MGAM2: variants seen among roughly 807,000 people sequenced by gnomAD.
MGAM2 encodes the protein probable maltase-glucoamylase 2.
A neutral mutation model predicts 96.1 loss-of-function variants in MGAM2; 98 were observed. The ratio of observed to expected loss-of-function variants is 1.02; its 90% confidence interval spans 0.87 to 1.21. MGAM2 has a LOEUF of 1.21. Among genes scored for constraint, MGAM2 ranks in the 50% most tolerant of loss-of-function variants. The pLI, the probability that MGAM2 is intolerant of heterozygous loss-of-function variation, is 0.00. For synonymous variants in MGAM2, 749 were observed against 414.8 expected (o/e 1.81, Z -9.79); for missense variants, 2,055 against 1,182.4 (o/e 1.74, Z -10.82).
At chr7:142,186,175 C>A in intron 35 of MGAM2, 52 bp downstream of exon 35, 1 of 685,492 alleles carries the variant, frequency 1.5e-6, no homozygotes, top group South Asian at 1.5e-5. Flanking sequence ...GTTAGCAAGT[C>A]AAAACATGGG....
At chr7:142,114,307 A>G (rs1328004194) in intron 1 of MGAM2, among the ~76,000 whole-genome samples, 1 of 152,064 alleles carries the variant, frequency 6.6e-6, no homozygotes, top group Non-Finnish European at 1.5e-5. Flanking sequence ...CAAGGAATCC[A>G]TATGTGGAAA....
At chr7:142,185,943 G>A (rs1796680959) in intron 34 of MGAM2, 46 bp from the exon 35 acceptor site, 3 of 698,888 alleles carry the variant, frequency 4.3e-6, no homozygotes, top group East Asian at 2.7e-5. Context: ...GTGGTCTCCT[G>A]TATAGGCTGA....
intron 1 of MGAM2, among the ~76,000 whole-genome samples, chr7:142,116,166 G>C (rs958882716): frequency 2.0e-5 from 3 of 152,202 alleles, no homozygotes; most frequent in African/African-American, 7.2e-5. Context: ...TAGCCCATCT[G>C]TTAGTAAGAA....
At chr7:142,162,960 A>G (rs1265624604) in intron 23 of MGAM2, among the ~76,000 whole-genome samples, 2 of 152,156 alleles carry the variant, frequency 1.3e-5, no homozygotes, top group African/African-American at 4.8e-5. Flanking sequence ...ATCCCTCCTC[A>G]GCCCCTGGCA....
At chr7:142,152,366 G>A (rs942589282) in intron 15 of MGAM2, among the ~76,000 whole-genome samples, 1 of 152,104 alleles carries the variant, frequency 6.6e-6, no homozygotes, top group African/African-American at 2.4e-5. Flanking sequence ...GCAAAGTGTC[G>A]GCCAGTCTAC....
rs1292026821 is a variant in MGAM2, at chr7:142,148,413, T to TC, written c.1634+844dup. On this transcript the variant is annotated intron_variant, in intron 15 of 47. Coordinates refer to ENST00000477922, the MANE Select transcript of MGAM2 (RefSeq NM_001293626.2). The surrounding 1 kb of genome is among the most constrained non-coding windows in gnomAD (Gnocchi z 4.2). ...ACCACCACCATCACCATCATCACTA[T>TC]CCCCATCACCACCATGACTATCACC... Among the ~76,000 whole-genome samples, 2 of 151,788 alleles carry TC rather than the reference T, an allele frequency of 1.3e-5. No homozygotes were observed. Among genetic ancestry groups the TC allele is most frequent in the Non-Finnish European group, 2.9e-5 (2 of 67,920 alleles).
rs528965076 is a variant in MGAM2, at chr7:142,147,591, A to G, written c.1634+18A>G. 1 of 698,170 alleles carries G rather than the reference A, an allele frequency of 1.4e-6. No individual in the cohort carries two copies. The highest frequency in any genetic ancestry group is 1.7e-5 in the African/African-American group (1 of 57,160). 43.2% of individuals were successfully genotyped at this position (698,170 alleles called of 1,614,324 possible). ...ACAAACTTGTAAGGACTTGGTTTTC[A>G]CCCTAATTCCAGATATGTGGAGGTG... On this transcript the variant is annotated intron_variant, in intron 15 of 47. Transcript: ENST00000477922.
Position 142,219,805 on chromosome 7 carries a change from G to A in MGAM2, c.5359-65G>A, listed in dbSNP as rs1032332497. 3.7e-5 allele frequency: 23 copies of A among 616,532 alleles called. No homozygotes were observed. In the Middle Eastern group the frequency reaches 1.2e-3, roughly 31 times the overall value. 38.2% of individuals were successfully genotyped at this position (616,532 alleles called of 1,614,324 possible). ...TTTTTTGTTAAATTGTAATTTAAGAGGTGAGCTACATGTGAGGTTTAAGAA... is the reference window on the plus strand; with the variant it reads ...TTTTTTGTTAAATTGTAATTTAAGAAGTGAGCTACATGTGAGGTTTAAGAA... On this transcript the variant is annotated intron_variant, in intron 47 of 47. Transcript: ENST00000477922.
intron 1 of MGAM2, among the ~76,000 whole-genome samples, chr7:142,115,497 A>G (rs1485943029): frequency 6.6e-6 from 1 of 152,236 alleles, no homozygotes; most frequent in African/African-American, 2.4e-5. Context: ...CTAAGAGATT[A>G]AAAGGAAATG....
chr7:142,188,451 C>A (rs879721732), intron 36 of MGAM2, among the ~76,000 whole-genome samples: 14 of 151,748 alleles, frequency 9.2e-5, no homozygotes, highest in Admixed American at 2.0e-4. Context: ...TAAAAAAAAA[C>A]AAACAAACAC....
In MGAM2 at chr7:142,183,318, A is replaced by C; in HGVS notation, c.3869A>C (p.Gln1290Pro). The change falls in exon 33 of 48, where the codon CAG becomes CCG. Residue 1290 changes from glutamine to proline, a missense_variant. Coordinates refer to ENST00000477922, the MANE Select transcript of MGAM2 (RefSeq NM_001293626.2). ...ETQYLPFIRG[Q>P]ENNVFIKWPD... ...CAGTATCTCCCATTCATTAGAGGAC[A>C]GGAAAATAACGTGTTCATCAAATGG... 1.4e-6 allele frequency: 1 copy of C among 703,476 alleles called. No individual in the cohort carries two copies. The highest frequency in any genetic ancestry group is 2.6e-6 in the Non-Finnish European group (1 of 385,010). The allele number at this position is 703,476 out of a possible 1,614,324, so 43.6% of individuals were successfully genotyped here. A position where few individuals can be genotyped will look rare whatever the true frequency, so the allele number is the denominator to read the frequency against.
intron 32 of MGAM2, among the ~76,000 whole-genome samples, chr7:142,180,288 T>C (rs1796498805): frequency 6.6e-6 from 1 of 152,184 alleles, no homozygotes; most frequent in South Asian, 2.1e-4. Flanking sequence ...GTTTATCCTT[T>C]CAAAAAAACA....
chr7:142,208,215 C>T, intron 45 of MGAM2: 1 of 473,248 alleles, frequency 2.1e-6, no homozygotes, highest in Non-Finnish European at 4.2e-6. Context: ...GCTTTATCAT[C>T]ATAGTCTTTA....
intron 3 of MGAM2, among the ~76,000 whole-genome samples, chr7:142,129,750 A>G (rs1794829240): frequency 7.0e-6 from 1 of 141,936 alleles, no homozygotes. Flanking sequence ...ACTTGAACCC[A>G]GGAGGCAGAG....
chr7:142,181,982 C>T (rs1416368554), intron 32 of MGAM2, among the ~76,000 whole-genome samples: 1 of 152,124 alleles, frequency 6.6e-6, no homozygotes, highest in East Asian at 1.9e-4. Flanking sequence ...GTTGGATGTT[C>T]TGAGCTATGG....
At chr7:142,204,095 T>C (rs1184264760) in intron 45 of MGAM2, among the ~76,000 whole-genome samples, 1 of 152,074 alleles carries the variant, frequency 6.6e-6, no homozygotes, top group Non-Finnish European at 1.5e-5. Flanking sequence ...TCTCATCTAC[T>C]TACCTACTTA....
At chr7:142,164,144 T>C (rs1019020247) in intron 23 of MGAM2, among the ~76,000 whole-genome samples, 2 of 152,194 alleles carry the variant, frequency 1.3e-5, no homozygotes, top group Non-Finnish European at 2.9e-5. Context: ...TTGAAAAAAA[T>C]CTGTCTTTGT....
Position 142,119,668 on chromosome 7 carries a change from AATAG to A in MGAM2, c.107-630_107-627del, listed in dbSNP as rs1328828362. ...CAACCCAAATGTACATGAACCGATG[AATAG>A]ATAAACAAAATGTGGTATATCCACA... On this transcript the variant is annotated intron_variant, in intron 2 of 47. Coordinates refer to ENST00000477922, the MANE Select transcript of MGAM2 (RefSeq NM_001293626.2). 7.2e-5 allele frequency among the ~76,000 whole-genome samples: 11 copies of A among 152,366 alleles called. No individual in the cohort carries two copies. In the East Asian group the frequency reaches 1.7e-3, roughly 24 times the overall value.
chr7:142,118,313 G>T (rs1229418858), intron 2 of MGAM2, among the ~76,000 whole-genome samples: 3 of 151,958 alleles, frequency 2.0e-5, no homozygotes, highest in Non-Finnish European at 4.4e-5. Context: ...TGTCCTCAAG[G>T]TTCATCCATG....
Sources: allele counts gnomAD v4.1 joint callset (sites outside exome capture counted in the v4.1 genomes callset), GRCh38; gene constraint gnomAD v4.1.1; non-coding constraint Gnocchi (gnomAD v3.1); transcripts MANE v1.5; gene names NCBI Gene and HGNC (gene_info 2026-07-23, HGNC 2026-07-21).